ABCC9: variants seen among roughly 807,000 people sequenced by gnomAD.
ABCC9 encodes the protein ATP-binding cassette sub-family C member 9.
Under a neutral mutation model 188.3 loss-of-function variants are expected in ABCC9, and 95 were observed. The ratio of observed to expected loss-of-function variants is 0.50; its 90% confidence interval spans 0.43 to 0.60. ABCC9 has a LOEUF of 0.60. ABCC9 is among the 20% of genes least tolerant of loss of function. The pLI is 0.00. For missense variants in ABCC9, 1,102 were observed against 1,876.3 expected, an observed-to-expected ratio of 0.59 and a Z score of 7.62; for synonymous variants, 659 against 652.7, an observed-to-expected ratio of 1.01 and a Z score of -0.15.
chr12:21,827,602 G>T (rs11046200), intron 31 of ABCC9, among the ~76,000 whole-genome samples: 10,120 of 148,152 alleles, frequency 0.068, 410 homozygotes, highest in East Asian at 0.11. Flanking sequence ...TTAAAGCAAG[G>T]AATTATGGAA....
intron 5 of ABCC9, 60 bp from the exon 6 acceptor site, chr12:21,917,163 T>TACATTCAAATGCTA: frequency 1.3e-6 from 2 of 1,523,862 alleles, no homozygotes; most frequent in Non-Finnish European, 1.8e-6. Context: ...CACTAGCATT[T>TACATTCAAATGCTA]GAATGTAATT....
At chr12:21,894,273 G>A in intron 13 of ABCC9, 99 bp from the exon 14 acceptor site, 1 of 1,329,318 alleles carries the variant, frequency 7.5e-7, no homozygotes, top group Non-Finnish European at 1.1e-6. Context: ...ATGCCAGTAT[G>A]TCCATTGTAA....
chr12:21,910,311 GCC>G lies in ABCC9; in HGVS notation c.1165-1_1165del. 6.4e-7 allele frequency: 1 copy of G among 1,560,170 alleles called. No individual in the cohort carries two copies. Among genetic ancestry groups the G allele is most frequent in the Admixed American group, 1.9e-5 (1 of 52,288 alleles). ...CCTAAGGATTTTATTATAAATCATG[GCC>G]TACCAAAAAAAAAAAAAAGAGTACA... is the stretch of plus-strand genomic sequence containing the variant. On this transcript the variant is annotated splice_acceptor_variant and coding_sequence_variant, in exon 10 of 40. Transcript: ENST00000261200. LOFTEE classifies it high-confidence loss of function.
chr12:21,930,007 C>T (rs1949214273), intron 4 of ABCC9, among the ~76,000 whole-genome samples: 2 of 143,872 alleles, frequency 1.4e-5, no homozygotes, highest in Non-Finnish European at 3.0e-5. Context: ...TGACAGGCCC[C>T]AGTGTGTGAT....
intron 14 of ABCC9, among the ~76,000 whole-genome samples, chr12:21,891,069 G>A (rs1947138220): frequency 6.6e-6 from 1 of 151,930 alleles, no homozygotes; most frequent in African/African-American, 2.4e-5. Context: ...AGCATTCTTT[G>A]TATAGCTTTA....
Position 21,862,952 on chromosome 12 carries a change from CCT to C in ABCC9, c.2338_2339del (p.Arg780ValfsTer15), listed in dbSNP as rs1945594478. On this transcript the variant is annotated frameshift_variant and splice_region_variant, in exon 20 of 40. Coordinates refer to ENST00000261200, the MANE Select transcript of ABCC9 (RefSeq NM_020297.4). LOFTEE classifies it high-confidence loss of function. ...ITFGSPFNKQ[R>X]YKAVTDACSL... The stretch of plus-strand genomic sequence containing the variant: ...TCTAAATTTTATATGCTCAAAATTA[CCT>C]CTGTTTGTTAAAAGGACTTCCAAAA... 1 of 1,587,882 alleles carries C rather than the reference CCT, an allele frequency of 6.3e-7. No individual in the cohort carries two copies. The highest frequency in any genetic ancestry group is 8.6e-7 in the Non-Finnish European group (1 of 1,156,670).
intron 5 of ABCC9, among the ~76,000 whole-genome samples, chr12:21,917,634 G>A (rs1948654309): frequency 6.6e-6 from 1 of 152,094 alleles, no homozygotes; most frequent in Admixed American, 6.6e-5. Context: ...TAGTCAAATG[G>A]TTTAAAACAC....
chr12:21,829,065 A>G lies in ABCC9; in HGVS notation c.3567-5T>C. ...TGTTTAAATCTGGTTTCATGCCTGC[A>G]GAAAACAAAAACACGATGTTAACCA... is the stretch of plus-strand genomic sequence containing the variant. On this transcript the variant is annotated splice_polypyrimidine_tract_variant and splice_region_variant and intron_variant, in intron 30 of 39. Transcript: ENST00000261200. The G allele has an allele frequency of 1.9e-6, 3 of 1,610,046 alleles. No homozygotes were observed. In the South Asian group the frequency reaches 3.3e-5, roughly 18 times the overall value.
At chr12:21,939,920 GA>G (rs1565505356) in intron 2 of ABCC9, among the ~76,000 whole-genome samples, 1 of 152,186 alleles carries the variant, frequency 6.6e-6, no homozygotes, top group Non-Finnish European at 1.5e-5. Flanking sequence ...TGCATTACAT[GA>G]AATTCCACAC....
chr12:21,881,055 T>C (rs1946593082), intron 16 of ABCC9, among the ~76,000 whole-genome samples: 1 of 151,748 alleles, frequency 6.6e-6, no homozygotes, highest in African/African-American at 2.4e-5. Context: ...CACACACATA[T>C]ACACATATTT....
At chr12:21,823,335 G>A (rs1472227776) in intron 31 of ABCC9, among the ~76,000 whole-genome samples, 3 of 152,160 alleles carry the variant, frequency 2.0e-5, no homozygotes, top group Non-Finnish European at 1.5e-5. Context: ...CTATAAGGCA[G>A]CCTTGTAAAT....
At chr12:21,894,746 G>A (rs1307796225) in intron 13 of ABCC9, among the ~76,000 whole-genome samples, 1 of 152,072 alleles carries the variant, frequency 6.6e-6, no homozygotes, top group African/African-American at 2.4e-5. Context: ...AGTTAGCCGG[G>A]ACTACAGGCA....
At chr12:21,921,349 T>G (rs1459082634) in intron 5 of ABCC9, among the ~76,000 whole-genome samples, 1 of 152,094 alleles carries the variant, frequency 6.6e-6, no homozygotes, top group East Asian at 1.9e-4. Flanking sequence ...TTAATACACG[T>G]TTGCCATTCG....
chr12:21,899,552 C>G (rs1947607104), intron 12 of ABCC9, among the ~76,000 whole-genome samples: 1 of 152,322 alleles, frequency 6.6e-6, no homozygotes, highest in African/African-American at 2.4e-5. Context: ...AGGGAATTCC[C>G]TTTCCTAGCC....
intron 4 of ABCC9, among the ~76,000 whole-genome samples, chr12:21,928,679 A>C (rs1354602589): frequency 6.6e-6 from 1 of 152,228 alleles, no homozygotes; most frequent in African/African-American, 2.4e-5. Flanking sequence ...CCATTATTAA[A>C]GGAAGCAATA....
At chr12:21,860,402 G>T (rs1262334154) in intron 21 of ABCC9, among the ~76,000 whole-genome samples, 1 of 152,194 alleles carries the variant, frequency 6.6e-6, no homozygotes, top group Non-Finnish European at 1.5e-5. Flanking sequence ...TTCATATGCA[G>T]ATAACGATAA....
Position 21,930,243 on chromosome 12 carries a change from A to G in ABCC9, c.284+3539T>C, listed in dbSNP as rs529103874. The stretch of plus-strand genomic sequence containing the variant: ...CAGATAAGTGACAGAAAGTTTTGAA[A>G]ATTATCTTTATTCTACAGGTTATTG... On this transcript the variant is annotated intron_variant, in intron 4 of 39. Transcript: ENST00000261200. 1.1e-3 allele frequency among the ~76,000 whole-genome samples: 175 copies of G among 152,216 alleles called. 2 individuals are homozygous for G. The highest frequency in any genetic ancestry group is 4.1e-3 in the African/African-American group (169 of 41,536).
chr12:21,876,431 G>A (rs1946351057), intron 16 of ABCC9, among the ~76,000 whole-genome samples: 1 of 152,056 alleles, frequency 6.6e-6, no homozygotes, highest in Non-Finnish European at 1.5e-5. Context: ...AACTGAGGAG[G>A]AAAATTTTGT....
chr12:21,811,020 C>G (rs1035254345), intron 36 of ABCC9, among the ~76,000 whole-genome samples: 2 of 152,066 alleles, frequency 1.3e-5, no homozygotes, highest in Non-Finnish European at 2.9e-5. Flanking sequence ...GCTCTGTGTT[C>G]CCACCCAAAT....
Sources: gnomAD v4.1 joint callset for allele counts (sites outside exome capture counted in the v4.1 genomes callset) on GRCh38, gnomAD v4.1.1 for gene constraint, MANE v1.5 for transcripts, NCBI Gene and HGNC (gene_info 2026-07-23, HGNC 2026-07-21) for gene names.